The following VWA8 variants were observed in gnomAD, a reference collection of about 807,000 sequenced individuals.
The protein encoded by VWA8 is von Willebrand factor A domain-containing protein 8.
Under a neutral mutation model 241.5 loss-of-function variants are expected in VWA8, and 221 were observed. That is an observed-to-expected ratio of 0.91 (90% confidence interval 0.82 to 1.02). VWA8 has a LOEUF of 1.02. Among genes scored for constraint, VWA8 ranks in the 50% least tolerant of loss-of-function variants. VWA8 has a pLI of 0.00. For missense variants in VWA8, 2,322 were observed against 2,328.7 expected (o/e 1.00, Z 0.06); for synonymous variants, 852 against 827.1 (o/e 1.03, Z -0.52).
chr13:41,872,489 T>A (rs1342720620), intron 9 of VWA8, among the ~76,000 whole-genome samples: 1 of 152,122 alleles, frequency 6.6e-6, no homozygotes, highest in East Asian at 1.9e-4. Context: ...TTGTATAAGG[T>A]GTAAGGAAGG....
intron 37 of VWA8, among the ~76,000 whole-genome samples, chr13:41,653,212 C>T (rs767263996): frequency 1.3e-5 from 2 of 151,938 alleles, no homozygotes; most frequent in African/African-American, 4.8e-5. Flanking sequence ...AATAAAACTG[C>T]CTGTTATAAA....
At chr13:41,813,276 C>T (rs1870548046) in intron 16 of VWA8, among the ~76,000 whole-genome samples, 1 of 152,108 alleles carries the variant, frequency 6.6e-6, no homozygotes, top group Non-Finnish European at 1.5e-5. Flanking sequence ...AAACAGAAAG[C>T]TACTTCAATA....
chr13:41,859,383 T>G (rs892748407), intron 12 of VWA8, among the ~76,000 whole-genome samples: 1 of 152,162 alleles, frequency 6.6e-6, no homozygotes, highest in Non-Finnish European at 1.5e-5. Context: ...AAAGAAAAAC[T>G]TAGCTAAGAG....
chr13:41,648,094 C>T (rs1453059832), intron 37 of VWA8, among the ~76,000 whole-genome samples: 7 of 152,126 alleles, frequency 4.6e-5, no homozygotes, highest in Non-Finnish European at 8.8e-5. Context: ...GGAGAATCAA[C>T]GTAGTTAGCA....
chr13:41,763,177 T>C (rs1240240322), intron 20 of VWA8, among the ~76,000 whole-genome samples: 2 of 152,002 alleles, frequency 1.3e-5, no homozygotes, highest in Non-Finnish European at 2.9e-5. Context: ...TAGTCCTAGC[T>C]ACTTGGGAGG....
rs1174419289 is a variant in VWA8 at position 41,878,071 on chromosome 13, G to A, written c.1080+5316C>T. Among the ~76,000 whole-genome samples the A allele has an allele frequency of 2.6e-5, 4 of 151,870 alleles. No individual in the cohort carries two copies. In the East Asian group the frequency reaches 7.7e-4, roughly 29 times the overall value. ...AAGTAATTACACTAAAATTTAAATG[G>A]ATTTCTAATTTGAATGCAACTATAC... is the stretch of plus-strand genomic sequence containing the variant. On this transcript the variant is annotated intron_variant, in intron 9 of 44. Coordinates refer to ENST00000379310, the MANE Select transcript of VWA8 (RefSeq NM_015058.2).
intron 31 of VWA8, 145 bp downstream of exon 31, chr13:41,691,729 T>C (rs2045179274): frequency 2.7e-6 from 2 of 739,660 alleles, no homozygotes; most frequent in Non-Finnish European, 4.4e-6. Context: ...TTTCTCAATA[T>C]TCTGCAATGT....
At chr13:41,716,979 G>C (rs12184540) in intron 26 of VWA8, among the ~76,000 whole-genome samples, 4,074 of 151,812 alleles carry the variant, frequency 0.027, 183 homozygotes, top group African/African-American at 0.093. Context: ...ACACTACTTG[G>C]GGGGCAGGGG....
At chr13:41,730,741 A>G (rs2045476051) in intron 22 of VWA8, among the ~76,000 whole-genome samples, 1 of 152,138 alleles carries the variant, frequency 6.6e-6, no homozygotes, top group Non-Finnish European at 1.5e-5. Flanking sequence ...TTTTTAAAAA[A>G]ATAGTAAGAA....
At chr13:41,694,845 G>C (rs912813953) in intron 29 of VWA8, among the ~76,000 whole-genome samples, 6 of 152,094 alleles carry the variant, frequency 3.9e-5, no homozygotes, top group Non-Finnish European at 7.4e-5. Flanking sequence ...CCTTTTTAGG[G>C]TCTAATACTT....
intron 39 of VWA8, among the ~76,000 whole-genome samples, chr13:41,608,631 T>C (rs2044567737): frequency 6.6e-6 from 1 of 152,192 alleles, no homozygotes; most frequent in Admixed American, 6.5e-5. Context: ...AAAACAAACA[T>C]AAGCTTAGAT....
Position 41,883,469 on chromosome 13 carries a change from A to G in VWA8, c.998T>C (p.Ile333Thr). 6.2e-7 allele frequency: 1 copy of G among 1,613,416 alleles called. No individual in the cohort carries two copies. Among genetic ancestry groups the G allele is most frequent in the Non-Finnish European group, 8.5e-7 (1 of 1,179,552 alleles). Residue 333 changes from isoleucine to threonine, a missense_variant, in exon 9 of 45, where the codon ATC becomes ACC. Transcript: ENST00000379310. ...QILDSFPMMP[I>T]KHAIQWLYPY... ...ATAAAGCCACTGGATTGCATGTTTG[A>G]TTGGCATCATAGGAAAGGAATCCTA...
intron 29 of VWA8, among the ~76,000 whole-genome samples, chr13:41,695,009 G>C (rs1220573519): frequency 6.6e-6 from 1 of 152,072 alleles, no homozygotes; most frequent in African/African-American, 2.4e-5. Context: ...AGATGTTAAT[G>C]GTTTCCTTCT....
chr13:41,820,931 A>T (rs1392521631), intron 14 of VWA8, among the ~76,000 whole-genome samples: 1 of 152,208 alleles, frequency 6.6e-6, no homozygotes, highest in East Asian at 1.9e-4. Flanking sequence ...AGGACAAAAA[A>T]AGGTAGGAGA....
intron 17 of VWA8, among the ~76,000 whole-genome samples, chr13:41,806,023 G>T (rs1180109183): frequency 1.4e-5 from 2 of 141,428 alleles, no homozygotes; most frequent in Non-Finnish European, 1.6e-5. Context: ...AAAAAGAAAT[G>T]ATGTCAAGTA....
intron 21 of VWA8, among the ~76,000 whole-genome samples, chr13:41,754,254 C>T (rs1371404025): frequency 6.6e-6 from 1 of 152,048 alleles, no homozygotes; most frequent in Admixed American, 6.6e-5. Context: ...CTGTGCTATT[C>T]TCGTGATAGT....
At chr13:41,571,558 C>T (rs1041502665) in intron 43 of VWA8, among the ~76,000 whole-genome samples, 3 of 152,190 alleles carry the variant, frequency 2.0e-5, no homozygotes, top group Admixed American at 6.5e-5. Flanking sequence ...CCGTGTTGGC[C>T]GGGCTGGTCT....
At chr13:41,852,728 T>C (rs763740703) in intron 12 of VWA8, among the ~76,000 whole-genome samples, 5 of 152,194 alleles carry the variant, frequency 3.3e-5, no homozygotes, top group African/African-American at 4.8e-5. Context: ...CTTTCCCCAA[T>C]ATGTGTTCTA....
chr13:41,643,869 T>G (rs887846530), intron 37 of VWA8, among the ~76,000 whole-genome samples: 1 of 145,590 alleles, frequency 6.9e-6, no homozygotes, highest in South Asian at 2.2e-4. Flanking sequence ...AGCCTTTTTC[T>G]AATTTCATAC....
Sources: gnomAD v4.1 joint callset for allele counts (sites outside exome capture counted in the v4.1 genomes callset) on GRCh38, gnomAD v4.1.1 for gene constraint, MANE v1.5 for transcripts, NCBI Gene and HGNC (gene_info 2026-07-23, HGNC 2026-07-21) for gene names.